Variants in TBC1D19 observed in about 807,000 individuals in gnomAD.
TBC1D19 encodes the protein TBC1 domain family, member 19.
In TBC1D19, 60 loss-of-function variants were observed where a neutral mutation model predicts 89.0. That is an observed-to-expected ratio of 0.67 (90% CI 0.55 to 0.84). The LOEUF (loss-of-function observed/expected upper bound fraction) is 0.84. Ranked by LOEUF, TBC1D19 falls within the 40% of genes least tolerant of loss-of-function variation. The pLI is 0.00. For missense variants in TBC1D19, 500 were observed against 610.8 expected, an observed-to-expected ratio of 0.82 and a Z score of 1.91; for synonymous variants, 189 against 199.7, an observed-to-expected ratio of 0.95 and a Z score of 0.45.
chr4:26,725,045 G>A (rs562672298), intron 15 of TBC1D19, among the ~76,000 whole-genome samples: 32 of 152,212 alleles, frequency 2.1e-4, no homozygotes, highest in Admixed American at 5.2e-4. Context: ...AGCCAGTCCC[G>A]CAGTTAGCTA....
chr4:26,815,217 C>CT, the TBC1D19 span, among the ~76,000 whole-genome samples: 1 of 152,202 alleles, frequency 6.6e-6, no homozygotes, highest in Non-Finnish European at 1.5e-5. Flanking sequence ...TCCAGATCAA[C>CT]TTTTTGTGGC....
At chr4:26,709,772 C>G (rs1268829939) in intron 13 of TBC1D19, among the ~76,000 whole-genome samples, 1 of 151,966 alleles carries the variant, frequency 6.6e-6, no homozygotes, top group African/African-American at 2.4e-5. Flanking sequence ...ACAGTAGCTG[C>G]CAGTGCAATT....
chr4:26,607,467 A>G (rs529007282), intron 1 of TBC1D19, among the ~76,000 whole-genome samples: 9 of 152,312 alleles, frequency 5.9e-5, no homozygotes, highest in African/African-American at 1.7e-4. Context: ...TATTTTTCCT[A>G]CTAAATAAAG....
At chr4:26,818,394 A>T in the TBC1D19 span, among the ~76,000 whole-genome samples, 17 of 151,676 alleles carry the variant, frequency 1.1e-4, no homozygotes, top group African/African-American at 3.4e-4. Flanking sequence ...TGCCTGGCTA[A>T]TTTTTTGTAT....
chr4:26,815,810 A>C, the TBC1D19 span, among the ~76,000 whole-genome samples: 1 of 152,230 alleles, frequency 6.6e-6, no homozygotes, highest in Non-Finnish European at 1.5e-5. Flanking sequence ...AAACAGAGTT[A>C]ATCTCTTTTA....
chr4:26,636,958 T>G (rs540711909), intron 4 of TBC1D19, among the ~76,000 whole-genome samples: 28 of 152,254 alleles, frequency 1.8e-4, no homozygotes, highest in African/African-American at 6.7e-4. Context: ...TCTGTCCTCA[T>G]TCCCATCCTC....
At chr4:26,700,079 CAA>C (rs765098796) in intron 13 of TBC1D19, among the ~76,000 whole-genome samples, 9 of 151,166 alleles carry the variant, frequency 6.0e-5, no homozygotes, top group Non-Finnish European at 1.0e-4. Flanking sequence ...ATTCAAAGAA[CAA>C]AGAAAATAAC....
upstream of TBC1D19, among the ~76,000 whole-genome samples, chr4:26,582,724 G>T (rs190308695): frequency 6.6e-6 from 1 of 152,298 alleles, no homozygotes; most frequent in East Asian, 1.9e-4. Context: ...GTCATTAATT[G>T]CCTTTAAGTG....
chr4:26,816,221 G>A, the TBC1D19 span, among the ~76,000 whole-genome samples: 1 of 143,236 alleles, frequency 7.0e-6, no homozygotes, highest in Admixed American at 7.2e-5. Context: ...TTACCCAGGG[G>A]CTTGTAGCTT....
chr4:26,638,004 C>T (rs938690657), intron 5 of TBC1D19, among the ~76,000 whole-genome samples: 4 of 152,084 alleles, frequency 2.6e-5, no homozygotes, highest in East Asian at 3.9e-4. Flanking sequence ...TACCATCTTT[C>T]GGTATTAACG....
the TBC1D19 span, among the ~76,000 whole-genome samples, chr4:26,762,521 T>C: frequency 6.6e-6 from 1 of 152,134 alleles, no homozygotes; most frequent in Non-Finnish European, 1.5e-5. Flanking sequence ...CAGTACCCCC[T>C]ATGAAAATAG....
intron 13 of TBC1D19, among the ~76,000 whole-genome samples, chr4:26,699,110 C>A (rs1250567338): frequency 6.6e-6 from 1 of 152,172 alleles, no homozygotes; most frequent in African/African-American, 2.4e-5. Flanking sequence ...TTGCAATCTA[C>A]TCATCTGACA....
the TBC1D19 span, among the ~76,000 whole-genome samples, chr4:26,763,730 T>G: frequency 6.6e-6 from 1 of 152,220 alleles, no homozygotes; most frequent in African/African-American, 2.4e-5. Context: ...GTCTCAGATT[T>G]TCTGGGTCTA....
chr4:26,698,118 G>T (rs990550347), intron 13 of TBC1D19, among the ~76,000 whole-genome samples: 1 of 152,092 alleles, frequency 6.6e-6, no homozygotes, highest in Non-Finnish European at 1.5e-5. Context: ...AAACCCCATC[G>T]TCTCAGCCCA....
At chr4:26,853,273 CCT>C in the TBC1D19 span, among the ~76,000 whole-genome samples, 2 of 152,200 alleles carry the variant, frequency 1.3e-5, no homozygotes, top group African/African-American at 4.8e-5. Flanking sequence ...GGGCTGAAAT[CCT>C]CTCTCCCCAG....
At chr4:26,604,313 C>T (rs1353485950) in intron 1 of TBC1D19, among the ~76,000 whole-genome samples, 1 of 151,194 alleles carries the variant, frequency 6.6e-6, no homozygotes, top group Admixed American at 6.6e-5. Context: ...CCACCACGCC[C>T]GGCTAATTTT....
the TBC1D19 span, among the ~76,000 whole-genome samples, chr4:26,848,794 C>T: frequency 6.6e-6 from 1 of 152,186 alleles, no homozygotes; most frequent in Non-Finnish European, 1.5e-5. Context: ...AGCTTTCTTT[C>T]ATCTGTCTAA....
At chr4:26,699,839 A>G (rs968264685) in intron 13 of TBC1D19, among the ~76,000 whole-genome samples, 9 of 150,954 alleles carry the variant, frequency 6.0e-5, no homozygotes, top group African/African-American at 2.2e-4. Context: ...CAGGAAGGGG[A>G]ACTTCACGCA....
chr4:26,802,689 A>G, the TBC1D19 span, among the ~76,000 whole-genome samples: 1 of 152,220 alleles, frequency 6.6e-6, no homozygotes, highest in African/African-American at 2.4e-5. Context: ...AAATAATGGC[A>G]TATACTTTAT....
Sources: allele counts gnomAD v4.1 joint callset (sites outside exome capture counted in the v4.1 genomes callset), GRCh38; gene constraint gnomAD v4.1.1; transcripts MANE v1.5; gene names NCBI Gene and HGNC (gene_info 2026-07-23, HGNC 2026-07-21).